HS6ST3: variants seen among roughly 807,000 people sequenced by gnomAD.
HS6ST3 encodes heparan sulfate 6-O-sulfotransferase 3.
A neutral mutation model predicts 36.7 loss-of-function variants in HS6ST3; 12 were observed. That is an observed-to-expected ratio of 0.33 (90% CI 0.21 to 0.53). HS6ST3 has a LOEUF of 0.53. Ranked by LOEUF, HS6ST3 falls within the 20% of genes least tolerant of loss-of-function variation. HS6ST3 has a pLI of 0.95. For synonymous variants in HS6ST3, 240 were observed against 257.5 expected (o/e 0.93, Z 0.65); for missense variants, 584 against 640.9 (o/e 0.91, Z 0.96).
At position 96,226,066 on chromosome 13, in the gene HS6ST3, A is replaced by G. The variant is rs78241555; in HGVS notation, c.707+134497A>G. On this transcript the variant is annotated intron_variant, in intron 1 of 1. Transcript: ENST00000376705. ...AGGTTTCAGTGAAGACACAACCTCA[A>G]GTGTCACTTTAATGTAGACTGATTG... Among the ~76,000 whole-genome samples, 1,487 of 152,270 alleles carry G rather than the reference A, an allele frequency of 9.8e-3. 25 individuals carry two copies. The highest frequency in any genetic ancestry group is 0.034 in the African/African-American group (1,428 of 41,556).
chr13:96,688,707 A>G (rs944772891), intron 1 of HS6ST3, among the ~76,000 whole-genome samples: 2 of 152,126 alleles, frequency 1.3e-5, no homozygotes, highest in East Asian at 1.9e-4. Context: ...CCTATTTAGC[A>G]TAATGAAATA....
intron 1 of HS6ST3, among the ~76,000 whole-genome samples, chr13:96,317,804 C>T (rs1370453815): frequency 1.3e-5 from 2 of 150,986 alleles, no homozygotes; most frequent in East Asian, 3.9e-4. Flanking sequence ...TTGCATTTCT[C>T]TTATGATTAA....
At chr13:96,180,688 T>C (rs1197236694) in intron 1 of HS6ST3, among the ~76,000 whole-genome samples, 1 of 152,236 alleles carries the variant, frequency 6.6e-6, no homozygotes, top group Non-Finnish European at 1.5e-5. Context: ...ATAACTTATT[T>C]AGTTCTCACA....
intron 1 of HS6ST3, among the ~76,000 whole-genome samples, chr13:96,708,817 G>A (rs771046246): frequency 5.3e-5 from 8 of 152,294 alleles, no homozygotes; most frequent in Middle Eastern, 3.4e-3. Flanking sequence ...ATGGAAAGGC[G>A]ATATTATAAC....
chr13:96,763,141 A>C (rs1397708337), intron 1 of HS6ST3, among the ~76,000 whole-genome samples: 5 of 152,138 alleles, frequency 3.3e-5, no homozygotes, highest in African/African-American at 1.2e-4. Flanking sequence ...AGCAACTCTG[A>C]GAAAGAAAAA....
intron 1 of HS6ST3, among the ~76,000 whole-genome samples, chr13:96,696,923 G>A (rs543745356): frequency 6.6e-6 from 1 of 152,188 alleles, no homozygotes; most frequent in African/African-American, 2.4e-5. Flanking sequence ...CAGGCAGTCT[G>A]TTTTCTCATT....
intron 1 of HS6ST3, among the ~76,000 whole-genome samples, chr13:96,173,773 GA>G (rs1045565699): frequency 2.0e-5 from 3 of 149,024 alleles, no homozygotes; most frequent in African/African-American, 7.4e-5. Flanking sequence ...TAGTAAATAA[GA>G]AAAAAAATCA....
intron 1 of HS6ST3, among the ~76,000 whole-genome samples, chr13:96,667,923 A>G (rs750554692): frequency 2.6e-5 from 4 of 152,144 alleles, no homozygotes; most frequent in African/African-American, 4.8e-5. Flanking sequence ...TTTTAGCACT[A>G]CAGTCTATGA....
At chr13:96,417,030 G>T (rs1455581417) in intron 1 of HS6ST3, among the ~76,000 whole-genome samples, 1 of 152,188 alleles carries the variant, frequency 6.6e-6, no homozygotes, top group South Asian at 2.1e-4. Context: ...GATTACAGGC[G>T]TGAGCCACCG....
intron 1 of HS6ST3, among the ~76,000 whole-genome samples, chr13:96,312,274 A>G (rs918122248): frequency 5.9e-5 from 9 of 152,160 alleles, no homozygotes; most frequent in African/African-American, 2.2e-4. Context: ...AATTTGCGTT[A>G]TGGTTCATTA....
chr13:96,297,476 G>A (rs138796140), intron 1 of HS6ST3, among the ~76,000 whole-genome samples: 7 of 152,206 alleles, frequency 4.6e-5, no homozygotes, highest in African/African-American at 9.6e-5. Context: ...TCCCTGTAGC[G>A]TGTAGGTTAA....
chr13:96,643,622 CT>C (rs1374753220), intron 1 of HS6ST3, among the ~76,000 whole-genome samples: 1 of 151,730 alleles, frequency 6.6e-6, no homozygotes, highest in African/African-American at 2.4e-5. Context: ...ATTGGGTGAG[CT>C]TTTTGTAAAG....
chr13:96,821,631 A>C (rs1878537414), intron 1 of HS6ST3, among the ~76,000 whole-genome samples: 1 of 152,250 alleles, frequency 6.6e-6, no homozygotes, highest in Admixed American at 6.5e-5. Flanking sequence ...CACATGGAAC[A>C]TTCCATATTT....
At chr13:96,593,914 A>G (rs1594814299) in intron 1 of HS6ST3, among the ~76,000 whole-genome samples, 1 of 150,672 alleles carries the variant, frequency 6.6e-6, no homozygotes, top group East Asian at 2.0e-4. Flanking sequence ...ATGCATGTGC[A>G]TACTTACTAG....
intron 1 of HS6ST3, among the ~76,000 whole-genome samples, chr13:96,638,527 G>T (rs116092688): frequency 6.6e-6 from 1 of 151,906 alleles, no homozygotes; most frequent in Non-Finnish European, 1.5e-5. Flanking sequence ...CTAGGTGGAG[G>T]TAATTGAATC....
At chr13:96,628,072 T>C (rs963867435) in intron 1 of HS6ST3, among the ~76,000 whole-genome samples, 2 of 151,906 alleles carry the variant, frequency 1.3e-5, no homozygotes, top group African/African-American at 4.8e-5. Context: ...TTTATTCTAT[T>C]TTTCTTTTTC....
rs560829101 is a variant in HS6ST3, at chr13:96,505,038, T to A, written c.708-327452T>A. 2.6e-5 allele frequency among the ~76,000 whole-genome samples: 4 copies of A among 152,312 alleles called. No individual in the cohort carries two copies. The South Asian group carries it at 8.3e-4, about 32-fold the overall frequency. On this transcript the variant is annotated intron_variant, in intron 1 of 1. Coordinates refer to ENST00000376705, the MANE Select transcript of HS6ST3 (RefSeq NM_153456.4). ...CACTCAAGTGCTGATTTTTGTGGCATCCTTTCTGTGAGTGTGTAAATAATG... is the reference window on the plus strand; with the variant it reads ...CACTCAAGTGCTGATTTTTGTGGCAACCTTTCTGTGAGTGTGTAAATAATG...
chr13:96,429,609 C>G (rs1012229737), intron 1 of HS6ST3, among the ~76,000 whole-genome samples: 1 of 152,180 alleles, frequency 6.6e-6, no homozygotes. Flanking sequence ...GTTCTTTGCT[C>G]AACCTGAGCT....
intron 1 of HS6ST3, among the ~76,000 whole-genome samples, chr13:96,400,074 G>T (rs1283190027): frequency 6.6e-6 from 1 of 151,642 alleles, no homozygotes; most frequent in Non-Finnish European, 1.5e-5. Flanking sequence ...GGAAGCTCAG[G>T]TCTTTCACCT....
Sources: allele counts gnomAD v4.1 joint callset (sites outside exome capture counted in the v4.1 genomes callset), GRCh38; gene constraint gnomAD v4.1.1; transcripts MANE v1.5; gene names NCBI Gene and HGNC (gene_info 2026-07-23, HGNC 2026-07-21).